ELMOD1: variants seen among roughly 807,000 people sequenced by gnomAD.
ELMOD1 encodes the protein ELMO domain-containing protein 1.
Under a neutral mutation model 46.7 loss-of-function variants are expected in ELMOD1, and 21 were observed. The ratio of observed to expected loss-of-function variants is 0.45; its 90% CI spans 0.32 to 0.65. ELMOD1 has a LOEUF of 0.65. ELMOD1 is among the 30% of genes least tolerant of loss of function. ELMOD1 has a pLI of 0.04. For missense variants in ELMOD1, 348 were observed against 407.8 expected (o/e 0.85, Z 1.26); for synonymous variants, 122 against 138.2 (o/e 0.88, Z 0.82).
intron 6 of ELMOD1, among the ~76,000 whole-genome samples, chr11:107,645,722 C>T (rs1315909493): frequency 1.3e-5 from 2 of 152,238 alleles, no homozygotes; most frequent in Admixed American, 1.3e-4. Flanking sequence ...TGCTTTCAAG[C>T]ATGAGAGATC....
At chr11:107,606,829 A>G (rs1021460436) in intron 1 of ELMOD1, among the ~76,000 whole-genome samples, 4 of 152,072 alleles carry the variant, frequency 2.6e-5, no homozygotes, top group Non-Finnish European at 5.9e-5. Context: ...AAAAAAAAAA[A>G]CCTACATCGG....
chr11:107,649,773 C>T (rs575184373), intron 7 of ELMOD1, among the ~76,000 whole-genome samples: 1 of 152,254 alleles, frequency 6.6e-6, no homozygotes, highest in South Asian at 2.1e-4. Context: ...TTTAATGAAT[C>T]ATGTTTGAGG....
chr11:107,602,924 A>G (rs1243055756), intron 1 of ELMOD1, among the ~76,000 whole-genome samples: 2 of 152,080 alleles, frequency 1.3e-5, no homozygotes, highest in Admixed American at 6.6e-5. Flanking sequence ...GGGGAGAGCT[A>G]TATGTGTCTC....
intron 9 of ELMOD1, among the ~76,000 whole-genome samples, chr11:107,652,604 A>T (rs981937683): frequency 6.6e-6 from 1 of 152,154 alleles, no homozygotes; most frequent in African/African-American, 2.4e-5. Context: ...ATAAATTCTT[A>T]TATATAAAAT....
At chr11:107,654,349 T>C in intron 10 of ELMOD1, 127 bp downstream of exon 10, 1 of 799,648 alleles carries the variant, frequency 1.3e-6, no homozygotes, top group Non-Finnish European at 2.0e-6. Context: ...CTGGTTAAAA[T>C]GTTTAAAGTA....
rs764175391 is a variant in ELMOD1 at position 107,650,910 on chromosome 11, T to G, written c.647+2T>G. On this transcript the variant is annotated splice_donor_variant, in intron 9 of 11. Coordinates refer to ENST00000265840, the MANE Select transcript of ELMOD1 (RefSeq NM_018712.4). LOFTEE classifies it high-confidence loss of function. The stretch of plus-strand genomic sequence containing the variant: ...GGATATCACTAAAGAAGAAATAAGG[T>G]ATTTTTTCTTTGTTTTTGTGTTTTA... The G allele has an allele frequency of 2.7e-6, 3 of 1,126,020 alleles. No individual in the cohort carries two copies. The South Asian group carries it at 5.1e-5, about 19-fold the overall frequency. 69.8% of individuals were successfully genotyped at this position (1,126,020 alleles called of 1,614,324 possible).
intron 10 of ELMOD1, among the ~76,000 whole-genome samples, chr11:107,654,639 G>A (rs1866591907): frequency 6.6e-6 from 1 of 152,130 alleles, no homozygotes; most frequent in South Asian, 2.1e-4. Context: ...CGTGTTGGCG[G>A]GCGCCTGTAG....
intron 7 of ELMOD1, among the ~76,000 whole-genome samples, 159 bp downstream of exon 7, chr11:107,647,760 G>C (rs1866457476): frequency 6.6e-6 from 1 of 152,156 alleles, no homozygotes; most frequent in African/African-American, 2.4e-5. Flanking sequence ...AATGTTAAAA[G>C]TGTCTGCTAC....
chr11:107,630,615 T>C (rs373139681), intron 3 of ELMOD1, 53 bp downstream of exon 3: 39 of 1,602,748 alleles, frequency 2.4e-5, no homozygotes, highest in Non-Finnish European at 3.1e-5. Context: ...TGATGGAAGA[T>C]ACGATGTTGT....
intron 2 of ELMOD1, chr11:107,625,623 C>A: frequency 3.2e-6 from 3 of 943,036 alleles, no homozygotes; most frequent in Non-Finnish European, 3.8e-6. Context: ...TGAATGGATT[C>A]CTCTAACAAA....
intron 1 of ELMOD1, among the ~76,000 whole-genome samples, chr11:107,594,682 G>A (rs185142195): frequency 5.3e-5 from 8 of 152,242 alleles, no homozygotes; most frequent in Admixed American, 4.6e-4. Context: ...TTGAGATGCC[G>A]ATCAATAGTC....
intron 11 of ELMOD1, among the ~76,000 whole-genome samples, chr11:107,658,529 C>T (rs972570955): frequency 3.3e-5 from 5 of 152,072 alleles, no homozygotes; most frequent in African/African-American, 7.2e-5. Flanking sequence ...TAAACAAATA[C>T]TTAAAATGTA....
At chr11:107,617,301 C>T (rs1865879035) in intron 1 of ELMOD1, among the ~76,000 whole-genome samples, 1 of 152,088 alleles carries the variant, frequency 6.6e-6, no homozygotes. Context: ...AGCTCTTTTT[C>T]GAATGTATAT....
At chr11:107,663,543 A>G (rs1866782303) in intron 11 of ELMOD1, among the ~76,000 whole-genome samples, 1 of 152,100 alleles carries the variant, frequency 6.6e-6, no homozygotes, top group Admixed American at 6.5e-5. Context: ...TCCTTCTCCT[A>G]TATTTACAGA....
intron 6 of ELMOD1, among the ~76,000 whole-genome samples, chr11:107,646,349 C>T (rs1319308737): frequency 6.6e-6 from 1 of 152,078 alleles, no homozygotes; most frequent in African/African-American, 2.4e-5. Context: ...GATAATAATA[C>T]ATTTTGAGGT....
At chr11:107,654,548 T>C (rs1481806738) in intron 10 of ELMOD1, among the ~76,000 whole-genome samples, 2 of 152,180 alleles carry the variant, frequency 1.3e-5, no homozygotes, top group Non-Finnish European at 2.9e-5. Context: ...GGCGGGCGGA[T>C]CACGAGGTCA....
At chr11:107,664,877 G>C (rs1866814339) in intron 11 of ELMOD1, 148 bp from the exon 12 acceptor site, 1 of 700,152 alleles carries the variant, frequency 1.4e-6, no homozygotes, top group Admixed American at 2.8e-5. Flanking sequence ...ATCTTAAACA[G>C]TGGTATTTTC....
At chr11:107,628,948 A>G (rs1406138870) in intron 2 of ELMOD1, among the ~76,000 whole-genome samples, 1 of 152,236 alleles carries the variant, frequency 6.6e-6, no homozygotes, top group Admixed American at 6.5e-5. Flanking sequence ...GGATTATCCC[A>G]TACATATTTC....
rs746890763 is a variant in ELMOD1 at position 107,655,573 on chromosome 11, C to CTTTTTT, written c.699-350_699-345dup. 4.4e-4 allele frequency among the ~76,000 whole-genome samples: 49 copies of CTTTTTT among 112,446 alleles called. 3 individuals carry two copies. Among genetic ancestry groups the CTTTTTT allele is most frequent in the East Asian group, 9.5e-4 (3 of 3,142 alleles). The allele number at this position is 112,446 out of a possible 152,430, so 73.8% of individuals were successfully genotyped here. A position where few individuals can be genotyped will look rare whatever the true frequency, so the allele number is the denominator to read the frequency against. The stretch of plus-strand genomic sequence containing the variant: ...ATCAGATTACCCATTATTGAAATGC[C>CTTTTTT]TTTTTTTTTTTTTTTGTAAAGTGAA... On this transcript the variant is annotated intron_variant, in intron 10 of 11. Transcript: ENST00000265840.
Sources: allele counts gnomAD v4.1 joint callset (sites outside exome capture counted in the v4.1 genomes callset), GRCh38; gene constraint gnomAD v4.1.1; transcripts MANE v1.5; gene names NCBI Gene and HGNC (gene_info 2026-07-23, HGNC 2026-07-21).